SUPT3H: variants seen among roughly 807,000 people sequenced by gnomAD.
SUPT3H encodes the protein transcription initiation protein SPT3 homolog.
In SUPT3H, 44 loss-of-function variants were observed where a neutral mutation model predicts 44.3. That is an observed-to-expected ratio of 0.99 (90% CI 0.78 to 1.28). The LOEUF is 1.28. Among genes scored for constraint, SUPT3H ranks in the 50% most tolerant of loss-of-function variants. SUPT3H has a pLI of 0.00. For missense variants in SUPT3H, 380 were observed against 387.1 expected, an observed-to-expected ratio of 0.98 and a Z score of 0.15; for synonymous variants, 124 against 125.6, an observed-to-expected ratio of 0.99 and a Z score of 0.09.
At chr6:44,903,709 C>A (rs556747970) in intron 10 of SUPT3H, among the ~76,000 whole-genome samples, 5 of 152,268 alleles carry the variant, frequency 3.3e-5, no homozygotes, top group Admixed American at 3.3e-4. Flanking sequence ...GATACCAAAG[C>A]CGGGCAGAGA....
intron 4 of SUPT3H, 106 bp from the exon 5 acceptor site, chr6:45,014,997 C>A: frequency 1.8e-6 from 1 of 565,456 alleles, no homozygotes; most frequent in Non-Finnish European, 2.7e-6. Flanking sequence ...CCCATGATAT[C>A]AGAGAAAGTA....
intron 10 of SUPT3H, among the ~76,000 whole-genome samples, chr6:44,926,652 T>C (rs1769562275): frequency 6.6e-6 from 1 of 152,112 alleles, no homozygotes; most frequent in Admixed American, 6.6e-5. Context: ...AAATATCCTA[T>C]CACTCACTAG....
chr6:45,294,460 GTACTGAAAGTCC>G (rs1357109941), intron 2 of SUPT3H, among the ~76,000 whole-genome samples: 1 of 152,052 alleles, frequency 6.6e-6, no homozygotes, highest in East Asian at 1.9e-4. Flanking sequence ...CTTCAGCACA[GTACTGAAAGTCC>G]TAGCCAGAGC....
chr6:45,073,749 G>C (rs767808479), intron 3 of SUPT3H, among the ~76,000 whole-genome samples: 9 of 151,952 alleles, frequency 5.9e-5, no homozygotes, highest in Non-Finnish European at 1.3e-4. Flanking sequence ...TGTTTTGTGA[G>C]GTACTGAAGT....
chr6:45,121,295 G>C (rs1160647739), intron 2 of SUPT3H, among the ~76,000 whole-genome samples: 1 of 152,104 alleles, frequency 6.6e-6, no homozygotes, highest in African/African-American at 2.4e-5. Flanking sequence ...TTTTTTTCTA[G>C]AGAGAGAATG....
chr6:45,216,047 G>A (rs150142664), intron 2 of SUPT3H, among the ~76,000 whole-genome samples: 2 of 152,202 alleles, frequency 1.3e-5, no homozygotes, highest in East Asian at 1.9e-4. Context: ...TGGGGGGATG[G>A]GGGTAATGGT....
At chr6:45,350,836 G>A (rs191298368) in intron 2 of SUPT3H, among the ~76,000 whole-genome samples, 87 of 152,220 alleles carry the variant, frequency 5.7e-4, no homozygotes, top group Admixed American at 4.9e-3. Flanking sequence ...TTTTCAGACG[G>A]ATTTATAATA....
intron 4 of SUPT3H, among the ~76,000 whole-genome samples, chr6:45,020,309 A>C (rs1471206447): frequency 2.0e-5 from 3 of 152,028 alleles, no homozygotes; most frequent in Non-Finnish European, 1.5e-5. Context: ...GCATAGACGC[A>C]TAAGGATAAG....
chr6:44,890,062 C>T (rs1763030665), intron 10 of SUPT3H, among the ~76,000 whole-genome samples: 1 of 151,554 alleles, frequency 6.6e-6, no homozygotes, highest in Non-Finnish European at 1.5e-5. Flanking sequence ...CAATGAGATA[C>T]CATCTCACAC....
chr6:45,296,185 TACACAC>T (rs201077641), intron 2 of SUPT3H, among the ~76,000 whole-genome samples: 5 of 140,454 alleles, frequency 3.6e-5, no homozygotes, highest in Non-Finnish European at 4.6e-5. Flanking sequence ...ATACACATAC[TACACAC>T]ACACACACAC....
chr6:45,043,994 A>G (rs150948609), intron 3 of SUPT3H, among the ~76,000 whole-genome samples: 36 of 152,350 alleles, frequency 2.4e-4, no homozygotes, highest in African/African-American at 8.7e-4. Context: ...GTAAGTCAAG[A>G]AAAATACATT....
At chr6:45,176,974 CAG>C (rs1315904234) in intron 2 of SUPT3H, among the ~76,000 whole-genome samples, 2 of 152,176 alleles carry the variant, frequency 1.3e-5, no homozygotes, top group East Asian at 1.9e-4. Context: ...GGGGAAAAAA[CAG>C]AGCAGAAAAA....
At chr6:45,111,837 G>A (rs986175992) in intron 2 of SUPT3H, among the ~76,000 whole-genome samples, 7 of 151,922 alleles carry the variant, frequency 4.6e-5, no homozygotes, top group African/African-American at 1.7e-4. Flanking sequence ...CAAACTAAAT[G>A]ACCAGCCAGA....
intron 2 of SUPT3H, among the ~76,000 whole-genome samples, chr6:45,115,320 A>G (rs537740849): frequency 5.9e-5 from 9 of 152,200 alleles, no homozygotes; most frequent in Non-Finnish European, 7.4e-5. Flanking sequence ...AAAATTATCA[A>G]TATAAAATGG....
intron 9 of SUPT3H, among the ~76,000 whole-genome samples, chr6:44,945,444 A>G (rs955521020): frequency 2.0e-5 from 3 of 152,208 alleles, no homozygotes; most frequent in African/African-American, 7.2e-5. Context: ...CTCTTGCCCC[A>G]AATAGCCAAG....
chr6:45,103,469 C>T (rs1798866881), intron 3 of SUPT3H, among the ~76,000 whole-genome samples: 1 of 151,726 alleles, frequency 6.6e-6, no homozygotes, highest in Admixed American at 6.6e-5. Context: ...GTTTATAACC[C>T]ACTAAGATAC....
intron 3 of SUPT3H, among the ~76,000 whole-genome samples, chr6:45,038,610 T>C (rs1176694899): frequency 6.6e-6 from 1 of 152,198 alleles, no homozygotes; most frequent in Non-Finnish European, 1.5e-5. Context: ...TCATTATATG[T>C]AAACAGGAAA....
intron 2 of SUPT3H, among the ~76,000 whole-genome samples, chr6:45,362,465 T>C (rs2066179461): frequency 6.6e-6 from 1 of 152,196 alleles, no homozygotes; most frequent in Admixed American, 6.5e-5. Flanking sequence ...AAGTCCACAC[T>C]TTCTCATTTG....
chr6:45,018,014 T>C (rs916198204), intron 4 of SUPT3H, among the ~76,000 whole-genome samples: 2 of 152,008 alleles, frequency 1.3e-5, no homozygotes, highest in Non-Finnish European at 2.9e-5. Context: ...TATCCTCTTT[T>C]ATTTCCTTGA....
Sources: allele counts gnomAD v4.1 joint callset (sites outside exome capture counted in the v4.1 genomes callset), GRCh38; gene constraint gnomAD v4.1.1; transcripts MANE v1.5; gene names NCBI Gene and HGNC (gene_info 2026-07-23, HGNC 2026-07-21).